The following ADGRV1 variants were observed in gnomAD, a reference collection of about 807,000 sequenced individuals.
ADGRV1 encodes adhesion G protein-coupled receptor V1.
In ADGRV1, 359 loss-of-function variants were observed where a neutral mutation model predicts 596.2. The observed-to-expected ratio is 0.60, with a 90% CI of 0.55 to 0.66. The LOEUF is 0.66. Among genes scored for constraint, ADGRV1 ranks in the 30% least tolerant of loss-of-function variants. ADGRV1 has a pLI of 0.00. For missense variants in ADGRV1, 7,274 were observed against 7,575.6 expected, an observed-to-expected ratio of 0.96 and a Z score of 1.48; for synonymous variants, 2,681 against 2,679.2, an observed-to-expected ratio of 1.00 and a Z score of -0.02.
chr5:90,969,983 A>G (rs1778809837), intron 84 of ADGRV1, among the ~76,000 whole-genome samples: 1 of 152,230 alleles, frequency 6.6e-6, no homozygotes, highest in African/African-American at 2.4e-5. Flanking sequence ...AGCCAAGGGA[A>G]GGGGTGACGG....
At chr5:90,645,891 A>T in intron 15 of ADGRV1, 77 bp from the exon 16 acceptor site, 2 of 1,185,544 alleles carry the variant, frequency 1.7e-6, no homozygotes, top group South Asian at 4.4e-5. Context: ...TTTTAAAAAA[A>T]CTGAATAATT....
At chr5:91,008,752 C>T (rs756642134) in intron 85 of ADGRV1, among the ~76,000 whole-genome samples, 3 of 152,034 alleles carry the variant, frequency 2.0e-5, no homozygotes, top group Admixed American at 6.6e-5. Context: ...CCTTCCGTCT[C>T]GGTCACTGAA....
At chr5:90,919,477 T>C (rs1247922528) in intron 83 of ADGRV1, among the ~76,000 whole-genome samples, 1 of 152,250 alleles carries the variant, frequency 6.6e-6, no homozygotes, top group Admixed American at 6.5e-5. Context: ...CTGGGTCTTA[T>C]AGTGATTATG....
chr5:90,823,988 A>C (rs1471614727), intron 76 of ADGRV1, among the ~76,000 whole-genome samples: 1 of 152,234 alleles, frequency 6.6e-6, no homozygotes, highest in Non-Finnish European at 1.5e-5. Flanking sequence ...ATAAATGAAC[A>C]CATGCTTAAT....
intron 5 of ADGRV1, 73 bp downstream of exon 5, chr5:90,622,774 T>C (rs1384378452): frequency 5.3e-5 from 37 of 696,202 alleles, no homozygotes; most frequent in Middle Eastern, 4.4e-4. Context: ...ACAGTCTTGC[T>C]CTGTTGCCCA....
intron 83 of ADGRV1, among the ~76,000 whole-genome samples, chr5:90,947,926 T>C (rs1045243319): frequency 2.0e-5 from 3 of 152,116 alleles, no homozygotes; most frequent in African/African-American, 7.2e-5. Flanking sequence ...AAAGATTCAA[T>C]GTGACACACA....
intron 59 of ADGRV1, among the ~76,000 whole-genome samples, chr5:90,764,710 C>T (rs1329198306): frequency 6.6e-6 from 1 of 152,148 alleles, no homozygotes; most frequent in Non-Finnish European, 1.5e-5. Context: ...CCCATGCTTC[C>T]CAACGTCAGA....
intron 85 of ADGRV1, among the ~76,000 whole-genome samples, chr5:91,066,508 G>T (rs760057394): frequency 1.2e-4 from 18 of 152,160 alleles, no homozygotes; most frequent in Non-Finnish European, 2.5e-4. Context: ...TATTCAGACA[G>T]TATTGCTCAG....
At chr5:90,722,012 A>G (rs1751107652) in intron 45 of ADGRV1, among the ~76,000 whole-genome samples, 1 of 152,248 alleles carries the variant, frequency 6.6e-6, no homozygotes, top group South Asian at 2.1e-4. Flanking sequence ...TATAGTTGCC[A>G]GTCTTTATAA....
intron 67 of ADGRV1, among the ~76,000 whole-genome samples, chr5:90,786,953 G>A (rs1452782172): frequency 6.6e-6 from 1 of 152,098 alleles, no homozygotes; most frequent in African/African-American, 2.4e-5. Flanking sequence ...ATGGGGAGGT[G>A]TTTGAACACG....
chr5:90,562,776 A>G (rs1308847609), intron 1 of ADGRV1, among the ~76,000 whole-genome samples: 1 of 152,232 alleles, frequency 6.6e-6, no homozygotes, highest in African/African-American at 2.4e-5. Context: ...TACTCACAAA[A>G]TTATTAAGTA....
At chr5:90,603,496 T>C (rs1761677788) in intron 1 of ADGRV1, among the ~76,000 whole-genome samples, 1 of 152,124 alleles carries the variant, frequency 6.6e-6, no homozygotes, top group African/African-American at 2.4e-5. Flanking sequence ...AAACTGGCAC[T>C]TCATGGTGCA....
At chr5:90,595,107 C>T (rs546243352) in intron 1 of ADGRV1, among the ~76,000 whole-genome samples, 5,745 of 126,812 alleles carry the variant, frequency 0.045, 113 homozygotes, top group Non-Finnish European at 0.063. Flanking sequence ...GCTGGCCGGG[C>T]GGGGGGCTGA....
At chr5:91,163,072 A>C (rs1330480972) in intron 89 of ADGRV1, among the ~76,000 whole-genome samples, 1 of 152,204 alleles carries the variant, frequency 6.6e-6, no homozygotes, top group Non-Finnish European at 1.5e-5. Context: ...AAAGAAAAGA[A>C]CAAGGTGTTA....
chr5:91,158,096 A>G (rs1258785540), intron 89 of ADGRV1, among the ~76,000 whole-genome samples: 1 of 152,188 alleles, frequency 6.6e-6, no homozygotes, highest in Non-Finnish European at 1.5e-5. Flanking sequence ...CATTGCAAAG[A>G]TTTCCTTATT....
chr5:90,720,470 A>C (rs1260228746), intron 44 of ADGRV1, among the ~76,000 whole-genome samples: 1 of 152,202 alleles, frequency 6.6e-6, no homozygotes. Flanking sequence ...TCACACTTTC[A>C]GGTAAAGGTC....
At position 90,627,285 on chromosome 5, in the gene ADGRV1, G is replaced by A. The variant is rs1336648706; in HGVS notation, c.747G>A (p.Arg249=). 7.5e-6 allele frequency: 12 copies of A among 1,610,106 alleles called. 1 individual carries two copies. The Middle Eastern group carries it at 8.3e-4, about 111-fold the overall frequency. ...GAGGAGCTGAGATTAACACCTCTAG[G>A]AATTCCATTGAGATCATCATTAAGA... ...VEGGAEINTS[R]NSIEIIIKKN... Residue 249 remains arginine, a synonymous_variant, in exon 7 of 90, where the codon AGG becomes AGA. Transcript: ENST00000405460.
At chr5:90,903,607 C>T (rs1772048340) in intron 83 of ADGRV1, among the ~76,000 whole-genome samples, 1 of 151,582 alleles carries the variant, frequency 6.6e-6, no homozygotes, top group Non-Finnish European at 1.5e-5. Flanking sequence ...GGTTTGTTTT[C>T]TTTTAAAATT....
At chr5:90,692,531 T>C in intron 31 of ADGRV1, 74 bp from the exon 32 acceptor site, 1 of 1,222,530 alleles carries the variant, frequency 8.2e-7, no homozygotes, top group South Asian at 1.5e-5. Context: ...ATGTTTGATT[T>C]TTTTCCCTTG....
Sources: allele counts gnomAD v4.1 joint callset (sites outside exome capture counted in the v4.1 genomes callset), GRCh38; gene constraint gnomAD v4.1.1; transcripts MANE v1.5; gene names NCBI Gene and HGNC (gene_info 2026-07-23, HGNC 2026-07-21).